DUSP16: variants seen among roughly 807,000 people sequenced by gnomAD.
The protein encoded by DUSP16 is dual specificity protein phosphatase 16.
A neutral mutation model predicts 58.3 loss-of-function variants in DUSP16; 21 were observed. The observed-to-expected ratio is 0.36, with a 90% CI of 0.26 to 0.52. The LOEUF is 0.52. Ranked by LOEUF, DUSP16 falls within the 20% of genes least tolerant of loss-of-function variation. DUSP16 has a pLI of 0.94. For missense variants in DUSP16, 726 were observed against 819.0 expected, an observed-to-expected ratio of 0.89 and a Z score of 1.39; for synonymous variants, 320 against 323.8, an observed-to-expected ratio of 0.99 and a Z score of 0.12.
rs927022982 is a variant in DUSP16 at position 12,476,738 on chromosome 12, A to T, written c.*95T>A. 18 of 1,196,402 alleles carry T rather than the reference A, an allele frequency of 1.5e-5. No individual in the cohort carries two copies. The highest frequency in any genetic ancestry group is 5.8e-6 in the Non-Finnish European group (5 of 865,878). The allele number at this position is 1,196,402 out of a possible 1,614,324, so 74.1% of individuals were successfully genotyped here. ...CCATAGCTCCATTTTCCAAAAATAT[A>T]TATGTATGTACATATATATATTTCA... On this transcript the variant is annotated 3_prime_UTR_variant, in exon 7 of 7. Transcript: ENST00000298573.
At chr12:12,496,101 A>G (rs1246315848) in intron 4 of DUSP16, among the ~76,000 whole-genome samples, 2 of 152,246 alleles carry the variant, frequency 1.3e-5, no homozygotes, top group African/African-American at 4.8e-5. Context: ...CTGGCTCTCA[A>G]CCATCATGCC....
Position 12,541,545 on chromosome 12 carries a change from G to T in DUSP16, c.-365-20082C>A, listed in dbSNP as rs544415751. On this transcript the variant is annotated intron_variant, in intron 1 of 6. Coordinates refer to ENST00000298573, the MANE Select transcript of DUSP16 (RefSeq NM_030640.3). ...AAATGGCATAAATTCTCAGGAGTTG[G>T]TCAATCTATGATAGTTGTAGTTGGA... Among the ~76,000 whole-genome samples, 8 of 152,310 alleles carry T rather than the reference G, an allele frequency of 5.3e-5. No homozygotes were observed. In the South Asian group the frequency reaches 8.3e-4, roughly 16 times the overall value.
intron 4 of DUSP16, among the ~76,000 whole-genome samples, chr12:12,494,082 G>A (rs1943796896): frequency 6.6e-6 from 1 of 152,142 alleles, no homozygotes; most frequent in African/African-American, 2.4e-5. Context: ...TCAGTATCTA[G>A]TAACTGGTTT....
Position 12,478,026 on chromosome 12 carries a change from A to AG in DUSP16, c.816-12dup, listed in dbSNP as rs772384671. The AG allele has an allele frequency of 2.6e-5, 41 of 1,551,122 alleles. No individual in the cohort carries two copies. The highest frequency in any genetic ancestry group is 2.3e-5 in the Non-Finnish European group (27 of 1,150,304). On this transcript the variant is annotated splice_polypyrimidine_tract_variant and intron_variant, in intron 6 of 6. Coordinates refer to ENST00000298573, the MANE Select transcript of DUSP16 (RefSeq NM_030640.3). Reference sequence around the variant, plus strand: ...TTTTCTTTCACAAATCTGCAGAGAGAGGAAAAAACAAAAACCCGAATTTTA... The same window carrying AG: ...TTTTCTTTCACAAATCTGCAGAGAGAGGGAAAAAACAAAAACCCGAATTTTA...
chr12:12,541,238 C>T (rs944717540), intron 1 of DUSP16, among the ~76,000 whole-genome samples: 1 of 152,016 alleles, frequency 6.6e-6, no homozygotes, highest in Non-Finnish European at 1.5e-5. Flanking sequence ...GGATTATGGG[C>T]GTGAGCCACC....
At position 12,477,931 on chromosome 12, in the gene DUSP16, G is replaced by A; in HGVS notation, c.900C>T (p.Asn300=). The A allele has an allele frequency of 1.2e-6, 2 of 1,614,182 alleles. No individual in the cohort carries two copies. Among genetic ancestry groups the A allele is most frequent in the Non-Finnish European group, 1.7e-6 (2 of 1,180,036 alleles). The change falls in exon 7 of 7, where the codon AAC becomes AAT. Residue 300 remains asparagine, a synonymous_variant. Transcript: ENST00000298573. The surrounding 1 kb of genome is among the most constrained non-coding windows in gnomAD (Gnocchi z 4.1). ...QLLDYEKKIK[N]QTGASGPKSK... is the part of the protein sequence containing the mutation. ...TCTTTGGCCCTGATGCTCCAGTCTG[G>A]TTCTTAATCTTCTTCTCATAGTCCA...
chr12:12,514,475 A>G (rs1199551951), intron 3 of DUSP16, among the ~76,000 whole-genome samples: 1 of 152,174 alleles, frequency 6.6e-6, no homozygotes, highest in Non-Finnish European at 1.5e-5. Context: ...TCTTTAGTCA[A>G]TATCTAAAGT....
chr12:12,504,176 A>T (rs1943951006), intron 3 of DUSP16, among the ~76,000 whole-genome samples: 1 of 152,250 alleles, frequency 6.6e-6, no homozygotes, highest in South Asian at 2.1e-4. Flanking sequence ...ACACCTACCC[A>T]ACCTAACAAC....
At chr12:12,488,612 A>T (rs1943717559) in intron 4 of DUSP16, among the ~76,000 whole-genome samples, 2 of 152,180 alleles carry the variant, frequency 1.3e-5, no homozygotes, top group South Asian at 4.1e-4. Context: ...TAGTCTAAGC[A>T]ATCTTGGTCA....
chr12:12,562,542 A>G lies in DUSP16; in HGVS notation c.-791T>C, dbSNP rs1476396156. 3.6e-5 allele frequency among the ~76,000 whole-genome samples: 4 copies of G among 109,872 alleles called. No homozygotes were observed. The highest frequency in any genetic ancestry group is 1.4e-4 in the African/African-American group (4 of 28,492). 72.1% of individuals were successfully genotyped at this position (109,872 alleles called of 152,430 possible). A position where few individuals can be genotyped will look rare whatever the true frequency, so the allele number is the denominator to read the frequency against. On this transcript the variant is annotated 5_prime_UTR_variant, in exon 1 of 7. The change abolishes an upstream ATG in the 5' untranslated region. Coordinates refer to ENST00000298573, the MANE Select transcript of DUSP16 (RefSeq NM_030640.3). Reference sequence around the variant, plus strand: ...ATTAAAGCCCCCCAAACACTGATACATAGAAAGAGGGGGAAAGGCGGGGGG... The same window carrying G: ...ATTAAAGCCCCCCAAACACTGATACGTAGAAAGAGGGGGAAAGGCGGGGGG...
At chr12:12,493,563 C>G (rs942832287) in intron 4 of DUSP16, among the ~76,000 whole-genome samples, 1 of 152,172 alleles carries the variant, frequency 6.6e-6, no homozygotes, top group African/African-American at 2.4e-5. Flanking sequence ...ATGCAGAAAT[C>G]TTGTATTGTC....
chr12:12,527,340 T>C (rs1944321201), intron 1 of DUSP16, among the ~76,000 whole-genome samples: 1 of 150,328 alleles, frequency 6.7e-6, no homozygotes, highest in African/African-American at 2.4e-5. Context: ...AAGAACTCCT[T>C]AGACTTTGAC....
At chr12:12,542,123 T>C (rs1273694741) in intron 1 of DUSP16, among the ~76,000 whole-genome samples, 2 of 152,122 alleles carry the variant, frequency 1.3e-5, no homozygotes, top group African/African-American at 2.4e-5. Flanking sequence ...ACACCTGTAA[T>C]CCCAGCACTT....
intron 1 of DUSP16, among the ~76,000 whole-genome samples, chr12:12,556,177 T>G (rs1944803095): frequency 6.6e-6 from 1 of 152,256 alleles, no homozygotes; most frequent in Non-Finnish European, 1.5e-5. Context: ...ATTGGTTAGG[T>G]GCATACAGAA....
intron 1 of DUSP16, among the ~76,000 whole-genome samples, chr12:12,544,169 C>A (rs1944605489): frequency 6.6e-6 from 1 of 152,066 alleles, no homozygotes; most frequent in African/African-American, 2.4e-5. Flanking sequence ...TCTCTCTCCC[C>A]AAAGGTAACC....
intron 4 of DUSP16, chr12:12,491,253 G>T (rs1186977113): frequency 6.6e-6 from 1 of 151,132 alleles, no homozygotes; most frequent in African/African-American, 2.4e-5. Flanking sequence ...GTCCCACCAT[G>T]TTGTCCAGGC....
intron 1 of DUSP16, among the ~76,000 whole-genome samples, chr12:12,557,536 AT>A (rs1944825599): frequency 6.6e-6 from 1 of 151,858 alleles, no homozygotes; most frequent in African/African-American, 2.4e-5. Flanking sequence ...TTTAATTCCC[AT>A]TTCTTTTTTT....
At chr12:12,495,859 A>G (rs997286848) in intron 4 of DUSP16, among the ~76,000 whole-genome samples, 3 of 152,238 alleles carry the variant, frequency 2.0e-5, no homozygotes, top group African/African-American at 7.2e-5. Context: ...AACACACTGT[A>G]TCTACTACTC....
chr12:12,546,659 T>C (rs1944644831), intron 1 of DUSP16, among the ~76,000 whole-genome samples: 4 of 152,224 alleles, frequency 2.6e-5, no homozygotes, highest in Admixed American at 2.6e-4. Flanking sequence ...TGTGTTCTAG[T>C]GTAAGCACTA....
Sources: allele counts gnomAD v4.1 joint callset (sites outside exome capture counted in the v4.1 genomes callset), GRCh38; gene constraint gnomAD v4.1.1; non-coding constraint Gnocchi (gnomAD v3.1); transcripts MANE v1.5; gene names NCBI Gene and HGNC (gene_info 2026-07-23, HGNC 2026-07-21).